Variants in MEGF11 observed in about 807,000 individuals in gnomAD.
MEGF11 encodes multiple EGF like domains 11.
MEGF11 carries 126 observed loss-of-function variants against 146.6 expected under a neutral mutation model. The ratio of observed to expected loss-of-function variants is 0.86; its 90% CI spans 0.74 to 1.00. The LOEUF (loss-of-function observed/expected upper bound fraction) is 1.00, where lower values mean the gene tolerates loss of function less well. Ranked by LOEUF, MEGF11 falls within the 50% of genes least tolerant of loss-of-function variation. MEGF11 has a pLI of 0.00. For missense variants in MEGF11, 1,509 were observed against 1,521.2 expected (o/e 0.99, Z 0.13); for synonymous variants, 532 against 583.4 (o/e 0.91, Z 1.27).
rs142516291 is a variant in MEGF11, at chr15:65,913,814, T to C, written c.2633A>G (p.Glu878Gly). 228 of 1,613,926 alleles carry C rather than the reference T, an allele frequency of 1.4e-4. No individual in the cohort carries two copies. The African/African-American group carries it at 2.8e-3, about 20-fold the overall frequency. ...ACGGGGAGCCAGGTCTCGGCCCTTC[T>C]CTTTCTGCCGCCGCCGATGCCAGGC... ...LFAWHRRRQK[E>G]KGRDLAPRVS... The change falls in exon 20 of 26, where the codon GAG becomes GGG. Residue 878 changes from glutamate to glycine, a missense_variant. By Grantham distance (98) the Glu-to-Gly change is moderately conservative. Transcript: ENST00000395614.
chr15:66,094,003 C>T (rs2086430497), intron 5 of MEGF11, among the ~76,000 whole-genome samples: 1 of 152,170 alleles, frequency 6.6e-6, no homozygotes, highest in Non-Finnish European at 1.5e-5. Context: ...TCTGTGGGCA[C>T]CCACAAAACT....
rs1030398622 is a variant in MEGF11 at position 66,226,890 on chromosome 15, G to A, written c.-9+26715C>T. Among the ~76,000 whole-genome samples, 16 of 152,260 alleles carry A rather than the reference G, an allele frequency of 1.1e-4. No homozygotes were observed. In the East Asian group the frequency reaches 1.2e-3, roughly 11 times the overall value. On this transcript the variant is annotated intron_variant, in intron 1 of 25. Transcript: ENST00000395614. Reference sequence around the variant, plus strand: ...ATACCCAGAGGCAGCCCTGCAGCCCGCTGGGGCTTCAGGCTCTGCTGGGAG... The same window carrying A: ...ATACCCAGAGGCAGCCCTGCAGCCCACTGGGGCTTCAGGCTCTGCTGGGAG...
At chr15:65,956,136 G>C (rs2080626687) in intron 10 of MEGF11, among the ~76,000 whole-genome samples, 1 of 152,128 alleles carries the variant, frequency 6.6e-6, no homozygotes, top group Admixed American at 6.5e-5. Context: ...CAGAATCTCT[G>C]GGAGTGGGGC....
intron 10 of MEGF11, among the ~76,000 whole-genome samples, chr15:65,951,457 C>T (rs553968463): frequency 3.3e-5 from 5 of 152,112 alleles, no homozygotes; most frequent in African/African-American, 7.2e-5. Context: ...GAGGCCGAGG[C>T]GGGCAGATGA....
chr15:66,250,347 C>T (rs561339597), intron 1 of MEGF11, among the ~76,000 whole-genome samples: 17 of 152,266 alleles, frequency 1.1e-4, no homozygotes, highest in Middle Eastern at 3.4e-3. Flanking sequence ...TTCAGAATTC[C>T]CTATTATATT....
rs16949109 is a variant in MEGF11, at chr15:65,925,910, T to A, written c.1675+2515A>T. ...ATAATCAGCAGCATACAGCTTTGTC[T>A]CTACCTGTTACTTGAAAGCTTCATA... On this transcript the variant is annotated intron_variant, in intron 13 of 25. Coordinates refer to ENST00000395614, the MANE Select transcript of MEGF11 (RefSeq NM_001385028.1). Among the ~76,000 whole-genome samples, 148 of 152,338 alleles carry A rather than the reference T, an allele frequency of 9.7e-4. 1 individual carries two copies. In the East Asian group the frequency reaches 0.028, roughly 29 times the overall value.
chr15:66,050,539 G>T (rs1426387791), intron 5 of MEGF11, among the ~76,000 whole-genome samples: 1 of 152,190 alleles, frequency 6.6e-6, no homozygotes, highest in African/African-American at 2.4e-5. Flanking sequence ...AGTGAGAGAG[G>T]TGGGTAAGGA....
chr15:66,066,743 C>T (rs932700086), intron 5 of MEGF11, among the ~76,000 whole-genome samples: 2 of 152,230 alleles, frequency 1.3e-5, no homozygotes, highest in African/African-American at 4.8e-5. Context: ...TAATGCACCT[C>T]CCTGATCAGC....
At chr15:66,099,580 G>T (rs927726665) in intron 4 of MEGF11, among the ~76,000 whole-genome samples, 1 of 152,298 alleles carries the variant, frequency 6.6e-6, no homozygotes, top group Non-Finnish European at 1.5e-5. Context: ...CTCATTAGCT[G>T]CATGTCCTTG....
At chr15:66,073,814 T>C (rs991906445) in intron 5 of MEGF11, among the ~76,000 whole-genome samples, 1 of 152,192 alleles carries the variant, frequency 6.6e-6, no homozygotes, top group Non-Finnish European at 1.5e-5. Flanking sequence ...GTCAGACCCA[T>C]AGTGGGTGCT....
chr15:65,929,895 G>T lies in MEGF11; in HGVS notation c.1409-12C>A. The T allele has an allele frequency of 6.3e-7, 1 of 1,590,080 alleles. No homozygotes were observed. Among genetic ancestry groups the T allele is most frequent in the Non-Finnish European group, 8.6e-7 (1 of 1,167,724 alleles). On this transcript the variant is annotated splice_polypyrimidine_tract_variant and intron_variant, in intron 11 of 25. Coordinates refer to ENST00000395614, the MANE Select transcript of MEGF11 (RefSeq NM_001385028.1). ...CAGGCCCTGCCACCCTGAGGGGAGG[G>T]AAAGGGACTGTCACTTCTCCATCCA...
intron 1 of MEGF11, among the ~76,000 whole-genome samples, chr15:66,160,664 G>GACACACACACACACACACACACAC (rs3221608): frequency 7.3e-6 from 1 of 137,540 alleles, no homozygotes; most frequent in East Asian, 2.1e-4. Flanking sequence ...GCCCTAAGGG[G>GACACACACACACACACACACACAC]ACACACACAC....
intron 22 of MEGF11, among the ~76,000 whole-genome samples, chr15:65,909,402 G>A (rs748132130): frequency 6.6e-6 from 1 of 151,976 alleles, no homozygotes; most frequent in Non-Finnish European, 1.5e-5. Flanking sequence ...GAGGAGGCAG[G>A]GGGAAGAAGC....
chr15:66,079,545 C>A (rs538427989), intron 5 of MEGF11, among the ~76,000 whole-genome samples: 35 of 122,794 alleles, frequency 2.9e-4, no homozygotes, highest in Non-Finnish European at 4.5e-4. Flanking sequence ...ACACCCCCCC[C>A]CCCAGCACCC....
intron 9 of MEGF11, among the ~76,000 whole-genome samples, chr15:65,960,241 A>T (rs987595569): frequency 6.6e-5 from 10 of 152,238 alleles, no homozygotes; most frequent in Non-Finnish European, 1.2e-4. Flanking sequence ...CTTTAAATGT[A>T]TTCCCTAACT....
chr15:65,901,370 G>A (rs2078491073), intron 24 of MEGF11, among the ~76,000 whole-genome samples: 1 of 151,854 alleles, frequency 6.6e-6, no homozygotes, highest in Admixed American at 6.6e-5. Flanking sequence ...AGCAATTATA[G>A]TCTTCATTCC....
At chr15:66,115,832 C>G (rs1325688430) in intron 4 of MEGF11, among the ~76,000 whole-genome samples, 1 of 152,186 alleles carries the variant, frequency 6.6e-6, no homozygotes. Context: ...GCCGTTGCAG[C>G]CAGGAAACTA....
At chr15:66,042,740 G>A (rs190224277) in intron 5 of MEGF11, among the ~76,000 whole-genome samples, 381 of 152,224 alleles carry the variant, frequency 2.5e-3, no homozygotes, top group Admixed American at 4.9e-3. Flanking sequence ...CTTGCTGGCC[G>A]CTGCATAACT....
intron 1 of MEGF11, among the ~76,000 whole-genome samples, chr15:66,203,204 T>C (rs569650917): frequency 5.9e-4 from 89 of 152,000 alleles, no homozygotes; most frequent in African/African-American, 2.1e-3. Context: ...CACCCCCAAG[T>C]GGGGTAGGAG....
Sources: allele counts gnomAD v4.1 joint callset (sites outside exome capture counted in the v4.1 genomes callset), GRCh38; gene constraint gnomAD v4.1.1; transcripts MANE v1.5; gene names NCBI Gene and HGNC (gene_info 2026-07-23, HGNC 2026-07-21).